The following PTCHD4 variants were observed in gnomAD, a reference collection of about 807,000 sequenced individuals.
The protein encoded by PTCHD4 is patched domain-containing protein 4.
Under a neutral mutation model 58.1 loss-of-function variants are expected in PTCHD4, and 33 were observed. The observed-to-expected ratio is 0.57, with a 90% CI of 0.43 to 0.76. The LOEUF (loss-of-function observed/expected upper bound fraction) is 0.76. PTCHD4 is among the 30% of genes least tolerant of loss of function. The probability of loss-of-function intolerance (pLI) is 0.00; values close to 1 mark genes in which losing one functional copy is unlikely to be tolerated. For synonymous variants in PTCHD4, 478 were observed against 409.6 expected, an observed-to-expected ratio of 1.17 and a Z score of -2.02; for missense variants, 1,058 against 1,027.1, an observed-to-expected ratio of 1.03 and a Z score of -0.41.
At chr6:47,969,910 C>T (rs1767438946) in intron 4 of PTCHD4, among the ~76,000 whole-genome samples, 3 of 152,054 alleles carry the variant, frequency 2.0e-5, no homozygotes, top group Admixed American at 2.0e-4. Flanking sequence ...AAATAATAAA[C>T]TGTGAATCAA....
intron 4 of PTCHD4, among the ~76,000 whole-genome samples, chr6:47,948,250 G>C (rs973181137): frequency 7.9e-5 from 12 of 152,338 alleles, no homozygotes; most frequent in Non-Finnish European, 1.0e-4. Context: ...GCTACCCTTA[G>C]CTCCTTGCCC....
chr6:48,031,194 G>A (rs535756708), intron 3 of PTCHD4, among the ~76,000 whole-genome samples: 17 of 152,048 alleles, frequency 1.1e-4, no homozygotes, highest in African/African-American at 2.9e-4. Flanking sequence ...AATCACATCT[G>A]GTTTCTCCTC....
chr6:48,105,276 C>A (rs1264290633), intron 1 of PTCHD4, among the ~76,000 whole-genome samples: 2 of 151,748 alleles, frequency 1.3e-5, no homozygotes, highest in African/African-American at 4.8e-5. Flanking sequence ...TGCAATCAAA[C>A]TAGAACTCAG....
intron 4 of PTCHD4, among the ~76,000 whole-genome samples, chr6:47,996,082 T>A (rs1178433705): frequency 1.3e-5 from 2 of 152,226 alleles, no homozygotes; most frequent in Non-Finnish European, 2.9e-5. Context: ...AACTTTTATA[T>A]ATTTTTTTCG....
chr6:48,081,822 TTACTC>T (rs1401875486), intron 1 of PTCHD4, among the ~76,000 whole-genome samples: 2 of 152,332 alleles, frequency 1.3e-5, no homozygotes, highest in African/African-American at 4.8e-5. Context: ...TGTTGAATGT[TTACTC>T]TATGCTAAAC....
intron 4 of PTCHD4, among the ~76,000 whole-genome samples, chr6:47,942,648 A>G (rs973815857): frequency 2.0e-5 from 3 of 151,570 alleles, no homozygotes; most frequent in Middle Eastern, 3.4e-3. Context: ...AAAAGCAAAC[A>G]ACAACAACAA....
chr6:48,052,993 T>A (rs971803732), intron 3 of PTCHD4, among the ~76,000 whole-genome samples: 14 of 152,290 alleles, frequency 9.2e-5, no homozygotes, highest in Admixed American at 7.9e-4. Flanking sequence ...TCGATGTAGC[T>A]GGAACTACTT....
At chr6:47,961,886 C>T (rs927495223) in intron 4 of PTCHD4, among the ~76,000 whole-genome samples, 1 of 151,838 alleles carries the variant, frequency 6.6e-6, no homozygotes, top group African/African-American at 2.4e-5. Flanking sequence ...AATAAACTTA[C>T]AATAAGCAGA....
chr6:47,980,547 C>T (rs908072819), intron 4 of PTCHD4, among the ~76,000 whole-genome samples: 1 of 151,972 alleles, frequency 6.6e-6, no homozygotes. Context: ...GTTTTATATA[C>T]ATTTGTCTAA....
chr6:47,970,864 C>T (rs988214597), intron 4 of PTCHD4, among the ~76,000 whole-genome samples: 1 of 152,178 alleles, frequency 6.6e-6, no homozygotes, highest in African/African-American at 2.4e-5. Flanking sequence ...TGACTGAAAA[C>T]ATCCAAGTGT....
At chr6:48,059,772 A>T (rs1434633836) in intron 3 of PTCHD4, among the ~76,000 whole-genome samples, 2 of 152,058 alleles carry the variant, frequency 1.3e-5, no homozygotes, top group Non-Finnish European at 2.9e-5. Flanking sequence ...GACCCTCAGC[A>T]CTCACCACCA....
intron 4 of PTCHD4, among the ~76,000 whole-genome samples, chr6:47,887,851 T>C (rs1764242129): frequency 6.6e-6 from 1 of 152,248 alleles, no homozygotes; most frequent in Non-Finnish European, 1.5e-5. Context: ...CCAAAGCTTC[T>C]ACCTCTTGGT....
intron 4 of PTCHD4, among the ~76,000 whole-genome samples, chr6:47,987,387 C>A (rs1376597239): frequency 6.7e-6 from 1 of 149,440 alleles, no homozygotes; most frequent in African/African-American, 2.5e-5. Context: ...TGCACAAGTA[C>A]CCTAAACTTA....
At position 47,857,478 on chromosome 6, in the gene PTCHD4, A is replaced by C. The variant is rs572169207; in HGVS notation, c.*20825T>G. Among the ~76,000 whole-genome samples the C allele has an allele frequency of 6.6e-6, 1 of 152,118 alleles. No homozygotes were observed. The highest frequency in any genetic ancestry group is 2.4e-5 in the African/African-American group (1 of 41,524). On this transcript the variant is annotated 3_prime_UTR_variant, in exon 5 of 5. Coordinates refer to ENST00000339488, the MANE Select transcript of PTCHD4 (RefSeq NM_001384253.1). ...GTCCTTTTGGCAAGATAAAAAACTA[A>C]CCCTTGGGTTCAAACAATAAATGAG...
intron 3 of PTCHD4, among the ~76,000 whole-genome samples, chr6:48,039,051 G>C (rs1763748550): frequency 6.6e-6 from 1 of 152,124 alleles, no homozygotes; most frequent in African/African-American, 2.4e-5. Flanking sequence ...CTTAGCTGGG[G>C]AGCCTGGACA....
intron 4 of PTCHD4, among the ~76,000 whole-genome samples, chr6:47,972,823 C>A (rs1280835362): frequency 1.3e-5 from 2 of 151,776 alleles, no homozygotes; most frequent in East Asian, 3.9e-4. Flanking sequence ...TGTCTTTTTA[C>A]TTTTTGTATT....
intron 4 of PTCHD4, among the ~76,000 whole-genome samples, chr6:47,990,017 G>A (rs563214593): frequency 3.3e-5 from 5 of 152,290 alleles, no homozygotes; most frequent in South Asian, 2.1e-4. Flanking sequence ...CAAGACCATC[G>A]AACCCATCTC....
intron 1 of PTCHD4, among the ~76,000 whole-genome samples, chr6:48,107,093 A>G (rs1271630237): frequency 6.6e-6 from 1 of 151,546 alleles, no homozygotes; most frequent in African/African-American, 2.4e-5. Context: ...AGAATTGGAA[A>G]AAACTACTTT....
chr6:47,999,577 C>T (rs1045456078), intron 4 of PTCHD4, among the ~76,000 whole-genome samples: 12 of 152,048 alleles, frequency 7.9e-5, no homozygotes, highest in African/African-American at 2.9e-4. Context: ...CTTAGTGGGC[C>T]CACTATATCC....
Sources: allele counts gnomAD v4.1 joint callset (sites outside exome capture counted in the v4.1 genomes callset), GRCh38; gene constraint gnomAD v4.1.1; transcripts MANE v1.5; gene names NCBI Gene and HGNC (gene_info 2026-07-23, HGNC 2026-07-21).